FHIP2A: variants seen among roughly 807,000 people sequenced by gnomAD.
FHIP2A encodes family with sequence similarity 160 member B1.
In FHIP2A, 46 loss-of-function variants were observed where a neutral mutation model predicts 93.5. That is an observed-to-expected ratio of 0.49 (90% CI 0.39 to 0.63). FHIP2A has a LOEUF of 0.63. Ranked by LOEUF, FHIP2A falls within the 20% of genes least tolerant of loss-of-function variation. The probability of loss-of-function intolerance (pLI) is 0.00; values close to 1 mark genes in which losing one functional copy is unlikely to be tolerated. For synonymous variants in FHIP2A, 332 were observed against 326.5 expected, an observed-to-expected ratio of 1.02 and a Z score of -0.18; for missense variants, 769 against 909.7, an observed-to-expected ratio of 0.85 and a Z score of 1.99.
chr10:114,836,286 A>T, intron 5 of FHIP2A, 40 bp downstream of exon 5: 1 of 1,414,568 alleles, frequency 7.1e-7, no homozygotes, highest in Non-Finnish European at 9.7e-7. Context: ...CTGTAGTTAT[A>T]TTAAGATCAT....
intron 16 of FHIP2A, among the ~76,000 whole-genome samples, chr10:114,885,952 C>T (rs1331806319): frequency 6.6e-6 from 1 of 152,134 alleles, no homozygotes; most frequent in Non-Finnish European, 1.5e-5. Flanking sequence ...TTTCCTTTAA[C>T]GTAAAAGGGT....
chr10:114,888,303 A>G (rs1219661244), intron 16 of FHIP2A, among the ~76,000 whole-genome samples: 5 of 152,188 alleles, frequency 3.3e-5, no homozygotes, highest in Admixed American at 1.3e-4. Context: ...CAGAGGAGAT[A>G]ATAAGAGGAG....
At chr10:114,884,471 C>T (rs1200839900) in intron 16 of FHIP2A, among the ~76,000 whole-genome samples, 3 of 152,162 alleles carry the variant, frequency 2.0e-5, no homozygotes, top group Non-Finnish European at 4.4e-5. Context: ...TCTTTCTTCT[C>T]AGCTAGGAAA....
intron 16 of FHIP2A, among the ~76,000 whole-genome samples, chr10:114,898,949 C>T (rs1217365776): frequency 6.6e-6 from 1 of 152,190 alleles, no homozygotes; most frequent in Non-Finnish European, 1.5e-5. Flanking sequence ...GACATCTACA[C>T]ACATGATATA....
At chr10:114,876,921 C>T (rs2083892368) in intron 16 of FHIP2A, among the ~76,000 whole-genome samples, 1 of 152,212 alleles carries the variant, frequency 6.6e-6, no homozygotes, top group Non-Finnish European at 1.5e-5. Context: ...AACCCTGTAA[C>T]TATTGACATG....
intron 1 of FHIP2A, among the ~76,000 whole-genome samples, 200 bp from the exon 2 acceptor site, chr10:114,830,652 T>G (rs951826629): frequency 4.6e-5 from 7 of 152,196 alleles, no homozygotes; most frequent in African/African-American, 1.7e-4. Flanking sequence ...GATAAATATG[T>G]TTTTCCTCTT....
chr10:114,864,106 G>GTA lies in FHIP2A; in HGVS notation c.*2572_*2573dup. 1 of 914,952 alleles carries GTA rather than the reference G, an allele frequency of 1.1e-6. No individual in the cohort carries two copies. The highest frequency in any genetic ancestry group is 1.3e-6 in the Non-Finnish European group (1 of 765,106). The allele number at this position is 914,952 out of a possible 1,614,324, so 56.7% of individuals were successfully genotyped here. On this transcript the variant is annotated 3_prime_UTR_variant, in exon 17 of 17. Transcript: ENST00000369248. ...GGTTTAATTGTACATTATTGTGTGT[G>GTA]TATATATGTATATATGTATATATAT...
intron 16 of FHIP2A, among the ~76,000 whole-genome samples, chr10:114,895,915 C>T (rs183256164): frequency 4.7e-4 from 71 of 152,290 alleles, no homozygotes; most frequent in African/African-American, 1.7e-3. Context: ...AAAACAGAGA[C>T]AACTGTGCTG....
At chr10:114,897,392 C>T (rs1463509142) in intron 16 of FHIP2A, among the ~76,000 whole-genome samples, 5 of 152,134 alleles carry the variant, frequency 3.3e-5, no homozygotes, top group Non-Finnish European at 4.4e-5. Context: ...GGCAAGTGTA[C>T]CCTTTCTGCA....
At chr10:114,857,549 A>C (rs1006157857) in intron 14 of FHIP2A, among the ~76,000 whole-genome samples, 1 of 151,996 alleles carries the variant, frequency 6.6e-6, no homozygotes, top group African/African-American at 2.4e-5. Context: ...ACCTCAGGTG[A>C]TCCACCTGCC....
intron 1 of FHIP2A, among the ~76,000 whole-genome samples, chr10:114,826,303 A>C (rs977162473): frequency 3.9e-5 from 6 of 152,256 alleles, no homozygotes; most frequent in Admixed American, 3.3e-4. Context: ...AATGTGTTCT[A>C]GCCCATAGAG....
At chr10:114,879,290 A>AAAAC (rs1047720890) in intron 16 of FHIP2A, among the ~76,000 whole-genome samples, 3 of 152,186 alleles carry the variant, frequency 2.0e-5, no homozygotes, top group Admixed American at 6.5e-5. Context: ...ACAGTGTCTC[A>AAAAC]AAACAAACAA....
intron 2 of FHIP2A, among the ~76,000 whole-genome samples, chr10:114,831,466 G>A (rs923317873): frequency 1.3e-5 from 2 of 152,168 alleles, no homozygotes; most frequent in African/African-American, 2.4e-5. Flanking sequence ...CATGTGGCAC[G>A]CTTGGCACAT....
chr10:114,827,718 ACC>A (rs2083584840), intron 1 of FHIP2A, among the ~76,000 whole-genome samples: 1 of 145,270 alleles, frequency 6.9e-6, no homozygotes, highest in African/African-American at 2.6e-5. Flanking sequence ...AATGGTGTGA[ACC>A]CGGGAGGCGG....
downstream of FHIP2A, among the ~76,000 whole-genome samples, chr10:114,868,292 A>G (rs2083840621): frequency 2.6e-5 from 4 of 152,056 alleles, no homozygotes. Flanking sequence ...CTCCTGTCAG[A>G]TCAGCAGCAA....
intron 1 of FHIP2A, among the ~76,000 whole-genome samples, chr10:114,823,177 A>G (rs1397839401): frequency 6.6e-6 from 1 of 152,238 alleles, no homozygotes; most frequent in East Asian, 1.9e-4. Flanking sequence ...TGGGCAGGCA[A>G]AAATGGAGTT....
At chr10:114,850,902 T>TTTG in intron 13 of FHIP2A, among the ~76,000 whole-genome samples, 1 of 152,258 alleles carries the variant, frequency 6.6e-6, no homozygotes, top group South Asian at 2.1e-4. Context: ...AATTTTGTTT[T>TTTG]TTTGTTTGTT....
intron 16 of FHIP2A, among the ~76,000 whole-genome samples, chr10:114,888,424 T>G (rs2083953541): frequency 6.6e-6 from 1 of 152,074 alleles, no homozygotes; most frequent in Admixed American, 6.6e-5. Context: ...TTTGGGGAAG[T>G]GGAGGTAGGA....
chr10:114,842,284 C>T (rs913218182), intron 5 of FHIP2A, among the ~76,000 whole-genome samples: 2 of 152,004 alleles, frequency 1.3e-5, no homozygotes, highest in African/African-American at 4.8e-5. Context: ...CATCTAGTCT[C>T]GAATTCCTGG....
Sources: gnomAD v4.1 joint callset for allele counts (sites outside exome capture counted in the v4.1 genomes callset) on GRCh38, gnomAD v4.1.1 for gene constraint, MANE v1.5 for transcripts, NCBI Gene and HGNC (gene_info 2026-07-23, HGNC 2026-07-21) for gene names.